EFCAB7: variants seen among roughly 807,000 people sequenced by gnomAD.
The protein encoded by EFCAB7 is EF-hand calcium binding domain 7, also known as EF-hand calcium-binding domain-containing protein 7.
Under a neutral mutation model 77.1 loss-of-function variants are expected in EFCAB7, and 66 were observed. The observed-to-expected ratio is 0.86, with a 90% CI of 0.70 to 1.05. The LOEUF (loss-of-function observed/expected upper bound fraction) is 1.05, where lower values mean the gene tolerates loss of function less well. EFCAB7 is among the 50% of genes least tolerant of loss of function. EFCAB7 has a pLI of 0.00. For missense variants in EFCAB7, 638 were observed against 730.5 expected (o/e 0.87, Z 1.46); for synonymous variants, 225 against 243.3 (o/e 0.92, Z 0.70).
At chr1:63,532,060 T>C (rs1239935918) in intron 3 of EFCAB7, 29 bp downstream of exon 3, 1 of 1,553,590 alleles carries the variant, frequency 6.4e-7, no homozygotes, top group East Asian at 2.3e-5. Flanking sequence ...TTTTGTAATG[T>C]GCATATTTTC....
At chr1:63,572,358 C>A in intron 13 of EFCAB7, 84 bp from the exon 14 acceptor site, 1 of 1,077,850 alleles carries the variant, frequency 9.3e-7, no homozygotes, top group Non-Finnish European at 1.4e-6. Context: ...TTATACAAGG[C>A]CTAGAAATGT....
chr1:63,552,159 A>G (rs217483), intron 8 of EFCAB7, among the ~76,000 whole-genome samples: 115,347 of 151,922 alleles, frequency 0.76, 44,396 homozygotes, highest in African/African-American at 0.87. Context: ...GTTCAAAGCC[A>G]TATTATTCTA....
chr1:63,525,635 T>A lies in EFCAB7; in HGVS notation c.63T>A (p.Ser21Arg). The change falls in exon 2 of 14, where the codon AGT becomes AGA. Residue 21 changes from serine to arginine, a missense_variant. Transcript: ENST00000371088. ...GTCAGAAATCAACACCTTCAGAGAG[T>A]CCTCGAACAAAGAAATTTCCACTAA... ...FSSQKSTPSE[S>R]PRTKKFPLTE... The A allele has an allele frequency of 6.2e-7, 1 of 1,602,780 alleles. No homozygotes were observed. The highest frequency in any genetic ancestry group is 8.5e-7 in the Non-Finnish European group (1 of 1,177,596).
At position 63,536,464 on chromosome 1, in the gene EFCAB7, T is replaced by G. The variant is rs527983101; in HGVS notation, c.804+2248T>G. On this transcript the variant is annotated intron_variant, in intron 6 of 13. Coordinates refer to ENST00000371088, the MANE Select transcript of EFCAB7 (RefSeq NM_032437.4). ...GGTGGGATCTTGGCTCAGTGCAACC[T>G]CCACCTTCCAGGTTCAAGTGATTCT... is the stretch of plus-strand genomic sequence containing the variant. Among the ~76,000 whole-genome samples, 102 of 152,314 alleles carry G rather than the reference T, an allele frequency of 6.7e-4. 1 individual carries two copies. The South Asian group carries it at 0.02, about 30-fold the overall frequency.
chr1:63,544,836 T>A (rs546171007), intron 6 of EFCAB7, among the ~76,000 whole-genome samples: 6 of 152,226 alleles, frequency 3.9e-5, no homozygotes, highest in African/African-American at 1.4e-4. Context: ...TCTTCCTTCT[T>A]ACTGTGCTCC....
At chr1:63,525,796 G>A (rs766554580) in intron 2 of EFCAB7, 37 bp downstream of exon 2, 4 of 1,403,258 alleles carry the variant, frequency 2.9e-6, no homozygotes, top group South Asian at 2.8e-5. Context: ...TCACCTTTTT[G>A]TTGAAAGTTA....
the EFCAB7 span, among the ~76,000 whole-genome samples, chr1:63,582,702 G>A: frequency 1.3e-4 from 20 of 152,126 alleles, no homozygotes; most frequent in African/African-American, 4.6e-4. Context: ...CTGCCTTCTG[G>A]GTTTAAGCAA....
intron 6 of EFCAB7, among the ~76,000 whole-genome samples, chr1:63,542,848 C>G (rs79247065): frequency 0.032 from 4,875 of 152,158 alleles, 278 homozygotes; most frequent in African/African-American, 0.11. Context: ...TTTATATGCT[C>G]TATATATTAA....
chr1:63,567,859 A>G (rs573371593), intron 11 of EFCAB7, among the ~76,000 whole-genome samples: 1 of 152,304 alleles, frequency 6.6e-6, no homozygotes, highest in Non-Finnish European at 1.5e-5. Flanking sequence ...TAAGTCTCAT[A>G]TTTTAAAGGT....
chr1:63,533,320 A>C lies in EFCAB7; in HGVS notation c.487-134A>C. On this transcript the variant is annotated intron_variant, in intron 4 of 13. Coordinates refer to ENST00000371088, the MANE Select transcript of EFCAB7 (RefSeq NM_032437.4). ...GCTGGTCAATCTGATTCAAAAAAAT[A>C]AAATGCGTAACCATCAATAGGAAAT... 1.1e-5 allele frequency: 7 copies of C among 639,596 alleles called. No individual in the cohort carries two copies. The South Asian group carries it at 1.7e-4, about 16-fold the overall frequency. 39.6% of individuals were successfully genotyped at this position (639,596 alleles called of 1,614,324 possible). A position where few individuals can be genotyped will look rare whatever the true frequency, so the allele number is the denominator to read the frequency against.
chr1:63,547,286 A>G (rs1181930266), intron 7 of EFCAB7: 1 of 152,228 alleles, frequency 6.6e-6, no homozygotes, highest in East Asian at 1.9e-4. Flanking sequence ...CTTATATACC[A>G]GACATCAGTT....
downstream of EFCAB7, among the ~76,000 whole-genome samples, chr1:63,576,140 T>C (rs1647406451): frequency 6.6e-6 from 1 of 152,106 alleles, no homozygotes; most frequent in African/African-American, 2.4e-5. Flanking sequence ...GAGATTCATG[T>C]GGTGAGGTAA....
At chr1:63,551,090 G>C (rs1646959059) in intron 7 of EFCAB7, 1 of 152,194 alleles carries the variant, frequency 6.6e-6, no homozygotes, top group Non-Finnish European at 1.5e-5. Flanking sequence ...CTCCACCACA[G>C]GTAAGCCAGT....
intron 11 of EFCAB7, among the ~76,000 whole-genome samples, chr1:63,563,444 G>A (rs955850554): frequency 6.6e-6 from 1 of 152,240 alleles, no homozygotes; most frequent in African/African-American, 2.4e-5. Flanking sequence ...GCTAAGAGCA[G>A]AATGCTCATT....
chr1:63,545,970 A>T lies in EFCAB7; in HGVS notation c.859A>T (p.Ile287Phe). The change falls in exon 7 of 14, where the codon ATC becomes TTC. Residue 287 changes from isoleucine to phenylalanine, a missense_variant. Physicochemically the swap from Ile to Phe is conservative, Grantham distance 21. Transcript: ENST00000371088. ...CTTCTTCTTAGAAGAAGATGGTGAA[A>T]TCATTAGTCATCAGTACAGGATGCA... Reference protein sequence around the residue: ...GCFFLEEDGEIISHQYRMQIA... With the variant: ...GCFFLEEDGEFISHQYRMQIA... 6.2e-7 allele frequency: 1 copy of T among 1,613,910 alleles called. No homozygotes were observed. Among genetic ancestry groups the T allele is most frequent in the Non-Finnish European group, 8.5e-7 (1 of 1,179,850 alleles).
intron 6 of EFCAB7, among the ~76,000 whole-genome samples, chr1:63,539,815 G>A (rs540775541): frequency 6.6e-6 from 1 of 152,166 alleles, no homozygotes; most frequent in Admixed American, 6.5e-5. Flanking sequence ...CTGATTGAAA[G>A]CATTTAAATG....
chr1:63,530,649 C>T (rs1646678858), intron 2 of EFCAB7, among the ~76,000 whole-genome samples: 1 of 152,122 alleles, frequency 6.6e-6, no homozygotes, highest in Non-Finnish European at 1.5e-5. Context: ...TTGACCATAG[C>T]ATCTCTATAA....
the EFCAB7 span, among the ~76,000 whole-genome samples, chr1:63,579,052 A>T: frequency 6.6e-6 from 1 of 152,148 alleles, no homozygotes; most frequent in South Asian, 2.1e-4. Context: ...TAAAAAAAAA[A>T]TCATACAGTA....
At chr1:63,541,233 T>G (rs1646825253) in intron 6 of EFCAB7, among the ~76,000 whole-genome samples, 1 of 152,192 alleles carries the variant, frequency 6.6e-6, no homozygotes. Context: ...GAATGCTTTA[T>G]GTACCCACAC....
Sources: gnomAD v4.1 joint callset for allele counts (sites outside exome capture counted in the v4.1 genomes callset) on GRCh38, gnomAD v4.1.1 for gene constraint, MANE v1.5 for transcripts, NCBI Gene and HGNC (gene_info 2026-07-23, HGNC 2026-07-21) for gene names.